The following PIWIL1 variants were observed in gnomAD, a reference collection of about 807,000 sequenced individuals.
The protein encoded by PIWIL1 is piwi like RNA-mediated gene silencing 1.
In PIWIL1, 73 loss-of-function variants were observed where a neutral mutation model predicts 114.4. That is an observed-to-expected ratio of 0.64 (90% CI 0.53 to 0.78). The LOEUF is 0.78. Ranked by LOEUF, PIWIL1 falls within the 30% of genes least tolerant of loss-of-function variation. PIWIL1 has a pLI of 0.00. For missense variants in PIWIL1, 723 were observed against 1,063.1 expected, an observed-to-expected ratio of 0.68 and a Z score of 4.45; for synonymous variants, 375 against 369.0, an observed-to-expected ratio of 1.02 and a Z score of -0.19.
Position 130,367,173 on chromosome 12 carries a change from A to G in PIWIL1, c.2236A>G (p.Thr746Ala), listed in dbSNP as rs2073683234. The G allele has an allele frequency of 1.2e-6, 2 of 1,614,114 alleles. No individual in the cohort carries two copies. Among genetic ancestry groups the G allele is most frequent in the Non-Finnish European group, 1.7e-6 (2 of 1,179,972 alleles). Residue 746 changes from threonine to alanine, a missense_variant, in exon 19 of 21, where the codon ACC (threonine) becomes GCC (alanine). By Grantham distance (58) the Thr-to-Ala change is moderately conservative. This residue lies in a region of PIWIL1 where 106 missense variants were observed against 182.8 expected (regional missense o/e 0.58). Coordinates refer to ENST00000245255, the MANE Select transcript of PIWIL1 (RefSeq NM_004764.5). ...TVIVVKKRVN[T>A]RFFAQSGGRL... ...AATTGTGGTGAAGAAAAGAGTGAAC[A>G]CCAGATTTTTTGCTCAGTCTGGAGG...
At chr12:130,399,130 C>G in the PIWIL1 span, 1 of 1,396,126 alleles carries the variant, frequency 7.2e-7, no homozygotes, top group Non-Finnish European at 9.4e-7. Context: ...GGCTACATTG[C>G]CTGATTAAGG....
chr12:130,392,521 T>C, the PIWIL1 span, among the ~76,000 whole-genome samples: 2 of 111,506 alleles, frequency 1.8e-5, no homozygotes, highest in African/African-American at 3.9e-5. Flanking sequence ...CTGTTGAATA[T>C]TGAATATTGT....
At chr12:130,396,568 G>C in the PIWIL1 span, 1 of 152,640 alleles carries the variant, frequency 6.6e-6, no homozygotes, top group Non-Finnish European at 1.5e-5. Context: ...ATTCATTGCT[G>C]TGTATTTGGG....
chr12:130,421,701 G>GTGTGTGTA, the PIWIL1 span, among the ~76,000 whole-genome samples: 1 of 151,150 alleles, frequency 6.6e-6, no homozygotes, highest in African/African-American at 2.5e-5. Context: ...ATGTGTGTGT[G>GTGTGTGTA]TGTGTGTGTG....
chr12:130,367,530 T>C (rs1252216803), intron 19 of PIWIL1, among the ~76,000 whole-genome samples: 2 of 152,222 alleles, frequency 1.3e-5, no homozygotes, highest in African/African-American at 4.8e-5. Flanking sequence ...AAGCATTGCT[T>C]CTGTAGATTG....
chr12:130,372,803 T>C (rs993404979), downstream of PIWIL1, among the ~76,000 whole-genome samples: 1 of 152,126 alleles, frequency 6.6e-6, no homozygotes, highest in Non-Finnish European at 1.5e-5. Context: ...TAGTTTTTTA[T>C]ATCTACATAT....
the PIWIL1 span, chr12:130,406,143 T>C: frequency 1.8e-3 from 2,259 of 1,275,660 alleles, 6 homozygotes; most frequent in Non-Finnish European, 2.3e-3. Context: ...AAAAATCAAA[T>C]GGTACTTCTT....
At chr12:130,358,859 T>G (rs116680955) in intron 14 of PIWIL1, among the ~76,000 whole-genome samples, 436 of 152,244 alleles carry the variant, frequency 2.9e-3, no homozygotes, top group African/African-American at 0.01. Flanking sequence ...CAGGGCCTTC[T>G]ATATTCCAGG....
downstream of PIWIL1, among the ~76,000 whole-genome samples, chr12:130,373,747 G>A (rs146285172): frequency 1.4e-4 from 22 of 152,226 alleles, no homozygotes; most frequent in African/African-American, 4.6e-4. Context: ...CCTTAACATC[G>A]TCTTGGTTAT....
chr12:130,355,131 G>A, intron 11 of PIWIL1, 126 bp downstream of exon 11: 1 of 706,450 alleles, frequency 1.4e-6, no homozygotes, highest in Non-Finnish European at 2.5e-6. Context: ...TAGTATTTGG[G>A]GTGGGCTTGT....
In PIWIL1 at chr12:130,361,517, T is replaced by C. The variant is rs1346136826; in HGVS notation, c.1886T>C (p.Val629Ala). 2 of 1,614,216 alleles carry C rather than the reference T, an allele frequency of 1.2e-6. No homozygotes were observed. Among genetic ancestry groups the C allele is most frequent in the African/African-American group, 1.3e-5 (1 of 75,064 alleles). ...VDIPLKLVMI[V>A]GIDCYHDMTA... ...TTGAAGCTGAAGCTCGTGATGATCG[T>C]TGGCATCGATTGTTACCATGACATG... The change falls in exon 16 of 21, where the codon GTT becomes GCT. Residue 629 changes from valine to alanine, a missense_variant. Val to Ala is a moderately conservative substitution (Grantham distance 64). Transcript: ENST00000245255.
the PIWIL1 span, among the ~76,000 whole-genome samples, chr12:130,415,048 T>G: frequency 6.6e-6 from 1 of 152,282 alleles, no homozygotes; most frequent in Admixed American, 6.5e-5. Context: ...CCCTAACTCA[T>G]TCTATGAAGC....
rs2073406665 is a variant in PIWIL1 at position 130,357,836 on chromosome 12, T to TACTA, written c.1665+283_1665+284insACTA. Among the ~76,000 whole-genome samples the TACTA allele has an allele frequency of 2.0e-5, 3 of 152,154 alleles. No individual in the cohort carries two copies. The South Asian group carries it at 6.2e-4, about 32-fold the overall frequency. On this transcript the variant is annotated intron_variant, in intron 14 of 20. Coordinates refer to ENST00000245255, the MANE Select transcript of PIWIL1 (RefSeq NM_004764.5). ...AAGGCTTTACTTAGTCTAGAAAATT[T>TACTA]GGAAAATACAGAAAAGCACAGAGGT...
chr12:130,394,070 A>C, the PIWIL1 span, among the ~76,000 whole-genome samples: 4 of 152,206 alleles, frequency 2.6e-5, no homozygotes, highest in Non-Finnish European at 5.9e-5. Flanking sequence ...TGTGGGTGGA[A>C]AGCCTGTACC....
At chr12:130,398,934 T>G in the PIWIL1 span, 1 of 329,506 alleles carries the variant, frequency 3.0e-6, no homozygotes, top group Admixed American at 4.8e-5. Context: ...ATAAATTCAG[T>G]TGCTTTACAA....
Position 130,361,489 on chromosome 12 carries a change from G to A in PIWIL1, c.1867-9G>A. On this transcript the variant is annotated splice_polypyrimidine_tract_variant and intron_variant, in intron 15 of 20. Coordinates refer to ENST00000245255, the MANE Select transcript of PIWIL1 (RefSeq NM_004764.5). The stretch of plus-strand genomic sequence containing the variant: ...CATTGTATCTAAAATTACCATATTT[G>A]TATTGAAGCTGAAGCTCGTGATGAT... 1 of 1,613,818 alleles carries A rather than the reference G, an allele frequency of 6.2e-7. No individual in the cohort carries two copies.
chr12:130,424,347 C>A, the PIWIL1 span: 3 of 1,232,380 alleles, frequency 2.4e-6, no homozygotes, highest in Non-Finnish European at 2.0e-6. This position sits in a 1 kb window ranked among gnomAD's most constrained non-coding sequence, Gnocchi z 9.8. Context: ...CACCTGCTCC[C>A]CAAAGTCCTC....
Position 130,356,970 on chromosome 12 carries a change from C to G in PIWIL1, c.1457C>G (p.Pro486Arg), listed in dbSNP as rs1351724018. The G allele has an allele frequency of 1.2e-6, 2 of 1,612,792 alleles. No homozygotes were observed. The highest frequency in any genetic ancestry group is 1.3e-5 in the African/African-American group (1 of 74,850). ...ADWSKETRGAPLISVKPLDNW... is the reference protein window; with the variant it reads ...ADWSKETRGARLISVKPLDNW... ...TGGTCCAAAGAAACAAGAGGTGCAC[C>G]ATTAATTAGTGTTAAGCCACTAGAT... Residue 486 changes from proline (P) to arginine (R), a missense_variant, in exon 13 of 21, where the codon CCA becomes CGA. Pro to Arg is a moderately radical substitution (Grantham distance 103). Around this residue, in one of 8 missense-constraint regions of PIWIL1, gnomAD observed 298 missense variants for 420.8 expected, o/e 0.71. Transcript: ENST00000245255.
At chr12:130,374,364 G>T (rs528796216), downstream of PIWIL1, among the ~76,000 whole-genome samples, 1 of 152,074 alleles carries the variant, frequency 6.6e-6, no homozygotes, top group Non-Finnish European at 1.5e-5. Flanking sequence ...TTGTGTAATT[G>T]GTATTGTCAT....
Sources: gnomAD v4.1 joint callset for allele counts (sites outside exome capture counted in the v4.1 genomes callset) on GRCh38, gnomAD v4.1.1 for gene constraint, gnomAD v4.1.1 regional missense constraint, Gnocchi (gnomAD v3.1) non-coding constraint, MANE v1.5 for transcripts, NCBI Gene and HGNC (gene_info 2026-07-23, HGNC 2026-07-21) for gene names.